Variants in CCDC18 observed in about 807,000 individuals in gnomAD.
CCDC18 encodes the protein coiled-coil domain-containing protein 18.
A neutral mutation model predicts 196.0 loss-of-function variants in CCDC18; 157 were observed. That is an observed-to-expected ratio of 0.80 (90% CI 0.70 to 0.91). The LOEUF (loss-of-function observed/expected upper bound fraction) is 0.91, where lower values mean the gene tolerates loss of function less well. CCDC18 is among the 40% of genes least tolerant of loss of function. The pLI, the probability that CCDC18 is intolerant of heterozygous loss-of-function variation, is 0.00. For synonymous variants in CCDC18, 482 were observed against 529.2 expected (o/e 0.91, Z 1.22); for missense variants, 1,465 against 1,611.6 (o/e 0.91, Z 1.56).
At chr1:93,188,181 T>G (rs1651046703) in intron 4 of CCDC18, among the ~76,000 whole-genome samples, 1 of 152,196 alleles carries the variant, frequency 6.6e-6, no homozygotes, top group South Asian at 2.1e-4. Context: ...AAGCCACCTA[T>G]TTCAGGCCAT....
chr1:93,197,100 A>T (rs1444469890), intron 6 of CCDC18, among the ~76,000 whole-genome samples: 2 of 152,210 alleles, frequency 1.3e-5, no homozygotes, highest in Non-Finnish European at 2.9e-5. Context: ...ACTGAAATAG[A>T]CTATTGTGTG....
intron 4 of CCDC18, 136 bp downstream of exon 4, chr1:93,186,639 C>T: frequency 3.4e-6 from 2 of 582,706 alleles, no homozygotes; most frequent in Non-Finnish European, 5.8e-6. Flanking sequence ...ACTATAGTAT[C>T]AACATGTTGT....
chr1:93,189,658 G>T (rs1186237728), intron 4 of CCDC18, among the ~76,000 whole-genome samples: 7 of 151,976 alleles, frequency 4.6e-5, no homozygotes, highest in African/African-American at 1.7e-4. Context: ...TTGAATGTAA[G>T]CCTTGTTTTT....
intron 28 of CCDC18, among the ~76,000 whole-genome samples, chr1:93,274,388 C>T (rs1052373756): frequency 6.6e-6 from 1 of 151,782 alleles, no homozygotes; most frequent in African/African-American, 2.4e-5. Context: ...GGTGACAGAG[C>T]GAGACTCCAT....
intron 10 of CCDC18, among the ~76,000 whole-genome samples, chr1:93,211,275 TAAAAA>T (rs10538532): frequency 7.1e-6 from 1 of 140,168 alleles, no homozygotes. Flanking sequence ...GAGACTCCAT[TAAAAA>T]AAAAAAAAAA....
chr1:93,204,706 G>A (rs1432145243), intron 7 of CCDC18, among the ~76,000 whole-genome samples: 1 of 152,024 alleles, frequency 6.6e-6, no homozygotes, highest in Non-Finnish European at 1.5e-5. Context: ...GTATCACTTG[G>A]CAGTGTAAAA....
chr1:93,227,174 CTTTTTTTTTTT>C (rs36053002), intron 17 of CCDC18, among the ~76,000 whole-genome samples: 1 of 103,706 alleles, frequency 9.6e-6, no homozygotes, highest in Non-Finnish European at 1.9e-5. Context: ...CATTGGAAAC[CTTTTTTTTTTT>C]TTTTTTTTTT....
intron 27 of CCDC18, among the ~76,000 whole-genome samples, chr1:93,267,517 T>C (rs1664691627): frequency 6.6e-6 from 1 of 152,240 alleles, no homozygotes; most frequent in Admixed American, 6.5e-5. Flanking sequence ...TGTTTGCAGA[T>C]GACATGATTG....
At chr1:93,252,330 C>T (rs1662370901) in intron 23 of CCDC18, among the ~76,000 whole-genome samples, 1 of 152,204 alleles carries the variant, frequency 6.6e-6, no homozygotes, top group African/African-American at 2.4e-5. Context: ...AGCCACCATC[C>T]TCAGTTCTGA....
At chr1:93,241,632 G>T (rs1240421151) in intron 21 of CCDC18, among the ~76,000 whole-genome samples, 1 of 137,768 alleles carries the variant, frequency 7.3e-6, no homozygotes, top group Non-Finnish European at 1.5e-5. Flanking sequence ...TGAGGCAGGA[G>T]AATTGTTTGA....
chr1:93,229,977 A>C (rs1658983672), intron 17 of CCDC18, among the ~76,000 whole-genome samples: 1 of 152,018 alleles, frequency 6.6e-6, no homozygotes, highest in African/African-American at 2.4e-5. Context: ...AGATTTTGAG[A>C]AGCTGGCATC....
In CCDC18 at chr1:93,278,551, A is replaced by C. The variant is rs951884750; in HGVS notation, c.*74A>C. The C allele has an allele frequency of 1.6e-5, 11 of 698,000 alleles. No homozygotes were observed. Among genetic ancestry groups the C allele is most frequent in the African/African-American group, 1.9e-5 (1 of 53,662 alleles). 43.2% of individuals were successfully genotyped at this position (698,000 alleles called of 1,614,324 possible). A position where few individuals can be genotyped will look rare whatever the true frequency, so the allele number is the denominator to read the frequency against. Reference sequence around the variant, plus strand: ...GCTGTTTACTTATTATATGTAGCTCATACTTCATAGAAGCTGTTATTTTGC... The same window carrying C: ...GCTGTTTACTTATTATATGTAGCTCCTACTTCATAGAAGCTGTTATTTTGC... On this transcript the variant is annotated 3_prime_UTR_variant, in exon 29 of 29. Transcript: ENST00000690025.
rs41292127 is a variant in CCDC18 at position 93,239,395 on chromosome 1, A to G, written c.2689A>G (p.Asn897Asp). The change falls in exon 20 of 29, where the codon AAT (asparagine) becomes GAT (aspartate). Residue 897 changes from asparagine to aspartate, a missense_variant. Asn to Asp is a conservative substitution (Grantham distance 23). Transcript: ENST00000690025. ...AATGCACCTAAAACGAGATGGAGAA[A>G]ATAAAGCAATGCACCTCTCTCAATT... ...EIMHLKRDGE[N>D]KAMHLSQLDM... is the part of the protein sequence containing the mutation. 0.02 allele frequency: 32,301 copies of G among 1,613,422 alleles called. 361 individuals carry two copies. The highest frequency in any genetic ancestry group is 0.023 in the Non-Finnish European group (27,672 of 1,179,542).
intron 7 of CCDC18, 72 bp downstream of exon 7, chr1:93,202,060 T>A: frequency 1.3e-6 from 1 of 795,198 alleles, no homozygotes; most frequent in Non-Finnish European, 2.0e-6. Context: ...TAGGAATAAT[T>A]AAAATATGTT....
At chr1:93,212,388 A>C (rs926218409) in intron 11 of CCDC18, 127 bp downstream of exon 11, 15 of 523,672 alleles carry the variant, frequency 2.9e-5, no homozygotes, top group Non-Finnish European at 4.5e-5. Flanking sequence ...GATTTGTTAC[A>C]TAGGTAAGCT....
upstream of CCDC18, chr1:93,180,416 A>G (rs990602674): frequency 5.6e-6 from 7 of 1,243,540 alleles, no homozygotes; most frequent in African/African-American, 1.1e-4. Context: ...AGTTCTCCAA[A>G]GGGTAGGGAC....
intron 8 of CCDC18, among the ~76,000 whole-genome samples, chr1:93,206,450 T>C (rs1424130287): frequency 6.6e-6 from 1 of 152,170 alleles, no homozygotes; most frequent in Non-Finnish European, 1.5e-5. Flanking sequence ...ATATGATTTC[T>C]TAAGTCGTTA....
chr1:93,227,971 A>AAAAT (rs57726461), intron 17 of CCDC18, among the ~76,000 whole-genome samples: 1,879 of 125,258 alleles, frequency 0.015, 63 homozygotes, highest in African/African-American at 0.056. Flanking sequence ...AAAAAAAAAA[A>AAAAT]ATATATATAT....
rs751634140 is a variant in CCDC18 at position 93,270,554 on chromosome 1, C to T, written c.4093C>T (p.His1365Tyr). ...ISASDLTFKIHGDEDLSEELL... is the reference protein window; with the variant it reads ...ISASDLTFKIYGDEDLSEELL... ...TGCCAGTGATCTTACTTTCAAAATT[C>T]ATGGTGATGAAGATCTTTCTGAAGA... The change falls in exon 28 of 29, where the codon CAT becomes TAT. Residue 1365 changes from histidine to tyrosine, a missense_variant. His to Tyr is a moderately conservative substitution (Grantham distance 83, BLOSUM62 2). Transcript: ENST00000690025. The T allele has an allele frequency of 1.9e-6, 3 of 1,550,380 alleles. No individual in the cohort carries two copies.
Sources: allele counts gnomAD v4.1 joint callset (sites outside exome capture counted in the v4.1 genomes callset), GRCh38; gene constraint gnomAD v4.1.1; transcripts MANE v1.5; gene names NCBI Gene and HGNC (gene_info 2026-07-23, HGNC 2026-07-21).